PCLO: variants seen among roughly 807,000 people sequenced by gnomAD.
PCLO encodes the protein protein piccolo.
Under a neutral mutation model 427.5 loss-of-function variants are expected in PCLO, and 82 were observed. That is an observed-to-expected ratio of 0.19 (90% CI 0.16 to 0.23). The LOEUF is 0.23. PCLO is among the 10% of genes least tolerant of loss of function. The pLI, the probability that PCLO is intolerant of heterozygous loss-of-function variation, is 1.00. For synonymous variants in PCLO, 2,357 were observed against 2,155.4 expected, an observed-to-expected ratio of 1.09 and a Z score of -2.59; for missense variants, 6,239 against 6,115.9, an observed-to-expected ratio of 1.02 and a Z score of -0.67.
intron 3 of PCLO, among the ~76,000 whole-genome samples, chr7:83,005,691 T>C (rs765741952): frequency 2.6e-5 from 4 of 151,594 alleles, no homozygotes; most frequent in Admixed American, 6.6e-5. Flanking sequence ...CAGGTAGGTA[T>C]ATGAAAACAT....
At chr7:82,791,776 C>A (rs1349597325) in intron 22 of PCLO, among the ~76,000 whole-genome samples, 1 of 151,778 alleles carries the variant, frequency 6.6e-6, no homozygotes, top group Non-Finnish European at 1.5e-5. Flanking sequence ...TTTTTACTTA[C>A]CTATAAAATA....
intron 7 of PCLO, 54 bp from the exon 8 acceptor site, chr7:82,909,067 T>C: frequency 1.3e-6 from 2 of 1,583,610 alleles, no homozygotes; most frequent in South Asian, 2.3e-5. Flanking sequence ...TACAGATGAT[T>C]GAGGGAAGCA....
intron 10 of PCLO, among the ~76,000 whole-genome samples, chr7:82,855,921 A>C (rs1477902736): frequency 1.3e-5 from 2 of 152,124 alleles, no homozygotes; most frequent in African/African-American, 4.8e-5. Flanking sequence ...GATGTCTGGC[A>C]TATTTTTTCA....
chr7:82,979,099 G>C (rs1329882168), intron 3 of PCLO, among the ~76,000 whole-genome samples: 2 of 151,964 alleles, frequency 1.3e-5, no homozygotes, highest in African/African-American at 4.8e-5. Context: ...CATGATTGTT[G>C]GCATCTGTTT....
chr7:82,865,432 G>A (rs1793068421), intron 10 of PCLO, among the ~76,000 whole-genome samples: 1 of 152,126 alleles, frequency 6.6e-6, no homozygotes. Flanking sequence ...ACAGTGCAGT[G>A]AGCTGAGATC....
chr7:82,811,412 C>A (rs1356673275), intron 20 of PCLO, among the ~76,000 whole-genome samples: 1 of 151,182 alleles, frequency 6.6e-6, no homozygotes, highest in Non-Finnish European at 1.5e-5. Flanking sequence ...GTTGTTATTG[C>A]TGTTACTGTT....
chr7:82,948,310 A>AT (rs1343688065), intron 6 of PCLO, among the ~76,000 whole-genome samples: 1 of 151,414 alleles, frequency 6.6e-6, no homozygotes, highest in Non-Finnish European at 1.5e-5. Context: ...AAAAAACGTA[A>AT]TAACGCAATT....
intron 22 of PCLO, among the ~76,000 whole-genome samples, chr7:82,793,758 A>G (rs976548253): frequency 6.6e-6 from 1 of 151,998 alleles, no homozygotes; most frequent in East Asian, 1.9e-4. Flanking sequence ...CTGCATGGCT[A>G]TTGTCTTTAG....
chr7:83,001,258 C>T (rs1032388656), intron 3 of PCLO, among the ~76,000 whole-genome samples: 14 of 151,840 alleles, frequency 9.2e-5, no homozygotes, highest in African/African-American at 3.1e-4. Context: ...AGATTCAAGA[C>T]GTACGGGTAC....
At chr7:83,147,569 T>A (rs1477370270) in intron 2 of PCLO, among the ~76,000 whole-genome samples, 2 of 152,174 alleles carry the variant, frequency 1.3e-5, no homozygotes, top group African/African-American at 4.8e-5. Flanking sequence ...CATCACAGGC[T>A]TAAAATATTT....
Position 82,999,657 on chromosome 7 carries a change from TATATAAA to T in PCLO, c.3301-33177_3301-33171del, listed in dbSNP as rs1486633749. On this transcript the variant is annotated intron_variant, in intron 3 of 24. Transcript: ENST00000333891. ...TATTAAAATATAAAATATAATATTATATATAAAATATAAAATATATTATATATAAAAT... is the reference window on the plus strand; with the variant it reads ...TATTAAAATATAAAATATAATATTATATATAAAATATATTATATATAAAAT... Among the ~76,000 whole-genome samples, 2 of 53,734 alleles carry T rather than the reference TATATAAA, an allele frequency of 3.7e-5. 1 individual carries two copies. Among genetic ancestry groups the T allele is most frequent in the Non-Finnish European group, 5.3e-5 (2 of 37,944 alleles). The allele number at this position is 53,734 out of a possible 152,430, so 35.3% of individuals were successfully genotyped here. A position where few individuals can be genotyped will look rare whatever the true frequency, so the allele number is the denominator to read the frequency against.
intron 3 of PCLO, among the ~76,000 whole-genome samples, chr7:83,066,951 A>C (rs2190041): frequency 0.35 from 53,360 of 152,002 alleles, 9,476 homozygotes; most frequent in Middle Eastern, 0.42. Flanking sequence ...AAAATCCCAA[A>C]ATGTTTAGTG....
intron 6 of PCLO, among the ~76,000 whole-genome samples, chr7:82,930,350 T>C (rs1259796239): frequency 1.3e-5 from 2 of 152,132 alleles, no homozygotes; most frequent in African/African-American, 2.4e-5. Flanking sequence ...ACAGACCATC[T>C]AGGGCCTTGA....
At chr7:82,926,242 A>C (rs1287207957) in intron 6 of PCLO, among the ~76,000 whole-genome samples, 1 of 152,188 alleles carries the variant, frequency 6.6e-6, no homozygotes, top group African/African-American at 2.4e-5. Flanking sequence ...CTATGAATTA[A>C]GGCAATATAT....
chr7:82,755,250 T>C lies in PCLO; in HGVS notation c.*3325A>G, dbSNP rs1172100132. ...CACTGGTATGCTGAAAATATGCGTT[T>C]AATTAGTGTAATTTATTAAAATATG... On this transcript the variant is annotated 3_prime_UTR_variant, in exon 25 of 25. Transcript: ENST00000333891. 3 of 152,124 alleles carry C rather than the reference T, an allele frequency of 2.0e-5. No individual in the cohort carries two copies. The highest frequency in any genetic ancestry group is 1.3e-4 in the Admixed American group (2 of 15,254). The allele number at this position is 152,124 out of a possible 1,614,324, so 9.4% of individuals were successfully genotyped here.
At position 82,952,387 on chromosome 7, in the gene PCLO, A is replaced by T. The variant is rs772235135; in HGVS notation, c.8566T>A (p.Ser2856Thr). The T allele has an allele frequency of 4.3e-6, 7 of 1,613,778 alleles. No individual in the cohort carries two copies. Among genetic ancestry groups the T allele is most frequent in the Non-Finnish European group, 5.9e-6 (7 of 1,179,848 alleles). The change falls in exon 5 of 25, where the codon TCT becomes ACT. Residue 2856 changes from serine (S) to threonine (T), a missense_variant. Ser to Thr is a moderately conservative substitution (Grantham distance 58). This residue lies in a region of PCLO where 4,677 missense variants were observed against 4,468.4 expected (regional missense o/e 1.05). Coordinates refer to ENST00000333891, the MANE Select transcript of PCLO (RefSeq NM_033026.6). ...IAREEAPINL[S>T]LGTPAHAVTL... ...ACTGCATGTGCTGGAGTACCTAGAG[A>T]TAAGTTTATTGGTGCTTCTTCCCTA...
At chr7:82,981,471 A>G (rs1016262612) in intron 3 of PCLO, among the ~76,000 whole-genome samples, 1 of 152,132 alleles carries the variant, frequency 6.6e-6, no homozygotes, top group African/African-American at 2.4e-5. Context: ...CAGAATTTCA[A>G]GAAAGTGACA....
intron 14 of PCLO, among the ~76,000 whole-genome samples, chr7:82,840,557 C>T (rs553951709): frequency 2.0e-5 from 3 of 152,136 alleles, no homozygotes; most frequent in Non-Finnish European, 1.5e-5. Context: ...TAGTCTTAAC[C>T]TACTTCTCGA....
intron 10 of PCLO, among the ~76,000 whole-genome samples, chr7:82,865,913 C>G (rs528447935): frequency 6.6e-6 from 1 of 152,194 alleles, no homozygotes; most frequent in East Asian, 1.9e-4. Flanking sequence ...AAGAGTGATC[C>G]TATTTAAACG....
Sources: gnomAD v4.1 joint callset for allele counts (sites outside exome capture counted in the v4.1 genomes callset) on GRCh38, gnomAD v4.1.1 for gene constraint, gnomAD v4.1.1 regional missense constraint, MANE v1.5 for transcripts, NCBI Gene and HGNC (gene_info 2026-07-23, HGNC 2026-07-21) for gene names.